The following SPPL3 variants were observed in gnomAD, a reference collection of about 807,000 sequenced individuals.
The protein encoded by SPPL3 is signal peptide peptidase-like 3.
In SPPL3, 5 loss-of-function variants were observed where a neutral mutation model predicts 42.4. That is an observed-to-expected ratio of 0.12 (90% CI 0.06 to 0.25). The LOEUF is 0.25. SPPL3 is among the 10% of genes least tolerant of loss of function. SPPL3 has a pLI of 1.00. For synonymous variants in SPPL3, 195 were observed against 181.8 expected (o/e 1.07, Z -0.58); for missense variants, 235 against 489.0 (o/e 0.48, Z 4.90).
Position 120,770,617 on chromosome 12 carries a change from C to T in SPPL3, c.503-1558G>A, listed in dbSNP as rs560099896. 1.1e-4 allele frequency among the ~76,000 whole-genome samples: 17 copies of T among 152,248 alleles called. No individual in the cohort carries two copies. In the East Asian group the frequency reaches 2.7e-3, roughly 24 times the overall value. On this transcript the variant is annotated intron_variant, in intron 6 of 10. Transcript: ENST00000353487. ...CCAGCTAATGGCTCCCTCCTTTTCC[C>T]TTGATTCTCAGGACAATGTGCTCTC...
intron 3 of SPPL3, among the ~76,000 whole-genome samples, chr12:120,789,824 CAAAAAAAA>C (rs3050392): frequency 0.014 from 433 of 30,460 alleles, 6 homozygotes; most frequent in African/African-American, 0.045. Flanking sequence ...GACTCCGTCT[CAAAAAAAA>C]AAAAAAAAAA....
At chr12:120,837,362 C>T (rs1365183918) in intron 1 of SPPL3, among the ~76,000 whole-genome samples, 2 of 152,130 alleles carry the variant, frequency 1.3e-5, no homozygotes, top group Non-Finnish European at 2.9e-5. Context: ...CATATTTTAA[C>T]AACTCTGAAA....
intron 6 of SPPL3, among the ~76,000 whole-genome samples, chr12:120,774,592 A>C (rs1173844447): frequency 1.3e-5 from 2 of 152,124 alleles, no homozygotes; most frequent in Non-Finnish European, 2.9e-5. Flanking sequence ...AAGAGGCAGA[A>C]GGCATCCTTT....
intron 6 of SPPL3, among the ~76,000 whole-genome samples, chr12:120,778,111 ATTTTTTTTT>A (rs57779322): frequency 3.3e-5 from 3 of 90,946 alleles, no homozygotes; most frequent in East Asian, 3.4e-4. Flanking sequence ...CTGAAAAGCA[ATTTTTTTTT>A]TTTTTTTTTT....
intron 1 of SPPL3, among the ~76,000 whole-genome samples, chr12:120,839,701 G>C (rs1871743140): frequency 6.6e-6 from 1 of 152,030 alleles, no homozygotes; most frequent in African/African-American, 2.4e-5. Context: ...AACTATATTA[G>C]GAAACAATAA....
intron 1 of SPPL3, among the ~76,000 whole-genome samples, chr12:120,874,711 G>A (rs1232397544): frequency 2.6e-5 from 4 of 152,006 alleles, no homozygotes; most frequent in South Asian, 2.1e-4. Context: ...GCTGGGATAC[G>A]AGAGGGTGTG....
intron 6 of SPPL3, among the ~76,000 whole-genome samples, chr12:120,773,090 C>T (rs1394540715): frequency 6.6e-6 from 1 of 152,178 alleles, no homozygotes; most frequent in Non-Finnish European, 1.5e-5. Context: ...TCAGAGCATT[C>T]AGAGCTGCAA....
chr12:120,901,465 G>A (rs1873978946), intron 1 of SPPL3, among the ~76,000 whole-genome samples: 1 of 151,696 alleles, frequency 6.6e-6, no homozygotes, highest in African/African-American at 2.4e-5. Flanking sequence ...GTGGCATGTG[G>A]CTGTAGTCCC....
chr12:120,765,036 T>G lies in SPPL3; in HGVS notation c.1118A>C (p.His373Pro). 2 of 1,613,602 alleles carry G rather than the reference T, an allele frequency of 1.2e-6. No homozygotes were observed. Among genetic ancestry groups the G allele is most frequent in the Non-Finnish European group, 1.7e-6 (2 of 1,179,854 alleles). Residue 373 changes from histidine to proline, a missense_variant, in exon 11 of 11, where the codon CAC becomes CCC. Coordinates refer to ENST00000353487, the MANE Select transcript of SPPL3 (RefSeq NM_139015.5). ...DLRRMWSEPF[H>P]SKSSSSRFLE... The stretch of plus-strand genomic sequence containing the variant: ...GAATCGGGAGCTGCTGGACTTGGAG[T>G]GGAAAGGCTCAGACCACATCCGCCG...
intron 2 of SPPL3, 56 bp downstream of exon 2, chr12:120,810,753 C>A (rs1870655947): frequency 7.3e-7 from 1 of 1,378,018 alleles, no homozygotes; most frequent in Non-Finnish European, 1.0e-6. Context: ...ACTTTCAGAG[C>A]AATGCTTCCT....
At chr12:120,805,744 A>C (rs528911463) in intron 2 of SPPL3, among the ~76,000 whole-genome samples, 16 of 152,356 alleles carry the variant, frequency 1.1e-4, no homozygotes, top group African/African-American at 3.8e-4. Flanking sequence ...ATGAAGAAAA[A>C]AATTCATCAA....
chr12:120,873,313 C>T (rs2095758301), intron 1 of SPPL3, among the ~76,000 whole-genome samples: 2 of 151,988 alleles, frequency 1.3e-5, no homozygotes, highest in South Asian at 4.2e-4. Flanking sequence ...CTGTGGAACA[C>T]GATCAAGTGG....
chr12:120,793,302 T>C (rs767529895), intron 2 of SPPL3, among the ~76,000 whole-genome samples: 1 of 152,146 alleles, frequency 6.6e-6, no homozygotes, highest in Non-Finnish European at 1.5e-5. Flanking sequence ...TTGAGACCCA[T>C]GTGGGCAACA....
chr12:120,827,355 T>TAATAATAATA (rs1292632080), intron 1 of SPPL3, among the ~76,000 whole-genome samples: 1 of 138,710 alleles, frequency 7.2e-6, no homozygotes, highest in African/African-American at 2.8e-5. Flanking sequence ...ATAATAATAA[T>TAATAATAATA]ATAATAATAT....
rs374816341 is a variant in SPPL3, at chr12:120,817,781, C to T, written c.24-6895G>A. 1.3e-4 allele frequency among the ~76,000 whole-genome samples: 20 copies of T among 152,310 alleles called. No homozygotes were observed. In the South Asian group the frequency reaches 4.1e-3, roughly 32 times the overall value. On this transcript the variant is annotated intron_variant, in intron 1 of 10. Coordinates refer to ENST00000353487, the MANE Select transcript of SPPL3 (RefSeq NM_139015.5). ...GAGCACAGAGCGGTTTCAAAAATGT[C>T]TAAAGGTTTTCACTGCTGGTAACGA...
intron 1 of SPPL3, among the ~76,000 whole-genome samples, chr12:120,870,219 GTGGA>G (rs1161848858): frequency 6.6e-6 from 1 of 152,218 alleles, no homozygotes; most frequent in East Asian, 1.9e-4. Flanking sequence ...GCTGAGGCGG[GTGGA>G]TCACCTGAGG....
At chr12:120,811,997 G>C (rs546322824) in intron 1 of SPPL3, among the ~76,000 whole-genome samples, 2 of 151,856 alleles carry the variant, frequency 1.3e-5, no homozygotes, top group Admixed American at 6.6e-5. Flanking sequence ...GATTTAGAGA[G>C]ACACAGGACA....
chr12:120,836,299 G>A (rs2137022024), intron 1 of SPPL3, among the ~76,000 whole-genome samples: 1 of 152,212 alleles, frequency 6.6e-6, no homozygotes, highest in East Asian at 1.9e-4. Flanking sequence ...AGATCTAGCA[G>A]GCTCCACTTT....
intron 10 of SPPL3, among the ~76,000 whole-genome samples, 161 bp downstream of exon 10, chr12:120,766,102 A>G (rs7135338): frequency 0.074 from 1,277 of 17,304 alleles, 6 homozygotes; most frequent in Middle Eastern, 0.13. Flanking sequence ...GCGCGCGCGC[A>G]CACACACACA....
Sources: allele counts gnomAD v4.1 joint callset (sites outside exome capture counted in the v4.1 genomes callset), GRCh38; gene constraint gnomAD v4.1.1; transcripts MANE v1.5; gene names NCBI Gene and HGNC (gene_info 2026-07-23, HGNC 2026-07-21).